The following NEK5 variants were observed in gnomAD, a reference collection of about 807,000 sequenced individuals.
NEK5 encodes NIMA related kinase 5, also known as serine/threonine-protein kinase Nek5.
A neutral mutation model predicts 109.2 loss-of-function variants in NEK5; 88 were observed. That is an observed-to-expected ratio of 0.81 (90% CI 0.68 to 0.96). The LOEUF (loss-of-function observed/expected upper bound fraction) is 0.96, where lower values mean the gene tolerates loss of function less well. Ranked by LOEUF, NEK5 falls within the 40% of genes least tolerant of loss-of-function variation. The pLI is 0.00. For synonymous variants in NEK5, 283 were observed against 299.9 expected, an observed-to-expected ratio of 0.94 and a Z score of 0.58; for missense variants, 834 against 920.7, an observed-to-expected ratio of 0.91 and a Z score of 1.22.
intron 3 of NEK5, 139 bp downstream of exon 3, chr13:52,127,227 C>T: frequency 1.7e-6 from 1 of 589,662 alleles, no homozygotes; most frequent in Non-Finnish European, 3.0e-6. Context: ...GGACAATGGA[C>T]TTAGGAGGTT....
In NEK5 at chr13:52,036,863, C is replaced by T; in HGVS notation, c.*85G>A. On this transcript the variant is annotated 3_prime_UTR_variant, in exon 24 of 24. Transcript: ENST00000684899. ...CCTTGAGATTACTAGAAAACCCTTACAGTAAATGAGCATTTATGACTTGTA... is the reference window on the plus strand; with the variant it reads ...CCTTGAGATTACTAGAAAACCCTTATAGTAAATGAGCATTTATGACTTGTA... 5.0e-6 allele frequency: 3 copies of T among 601,634 alleles called. No individual in the cohort carries two copies. The highest frequency in any genetic ancestry group is 6.3e-6 in the Non-Finnish European group (3 of 479,472). 37.3% of individuals were successfully genotyped at this position (601,634 alleles called of 1,614,324 possible). A position where few individuals can be genotyped will look rare whatever the true frequency, so the allele number is the denominator to read the frequency against.
rs1191497034 is a variant in NEK5, at chr13:52,093,248, A to C, written c.1027-13T>G. Reference sequence around the variant, plus strand: ...CTATCATTTTTATCTGAAGAAAACAAGAGGGGATGTTTTTAAAAACCATAA... The same window carrying C: ...CTATCATTTTTATCTGAAGAAAACACGAGGGGATGTTTTTAAAAACCATAA... On this transcript the variant is annotated splice_polypyrimidine_tract_variant and intron_variant, in intron 12 of 23. Transcript: ENST00000684899. The C allele has an allele frequency of 1.2e-6, 2 of 1,601,590 alleles. No individual in the cohort carries two copies. The highest frequency in any genetic ancestry group is 2.7e-5 in the African/African-American group (2 of 74,650).
chr13:52,098,837 C>T (rs1955472532), intron 12 of NEK5, among the ~76,000 whole-genome samples: 1 of 151,986 alleles, frequency 6.6e-6, no homozygotes. Flanking sequence ...AACAAAATAC[C>T]ATTATAATGC....
At chr13:52,074,194 A>G (rs781365087) in intron 19 of NEK5, among the ~76,000 whole-genome samples, 2 of 152,216 alleles carry the variant, frequency 1.3e-5, no homozygotes, top group Non-Finnish European at 2.9e-5. Flanking sequence ...AAGCAAAAAG[A>G]ACAACGCCAG....
chr13:52,108,361 G>A lies in NEK5; in HGVS notation c.511C>T (p.Leu171=). ...ARTCIGTPYY[L]SPEICQNKPY... is the part of the protein sequence containing the mutation. The stretch of plus-strand genomic sequence containing the variant: ...TTATTCTGACAGATCTCTGGGGACA[G>A]GTAGTAAGGTGTTCCAATACAAGTT... Residue 171 remains leucine, a synonymous_variant, in exon 8 of 24, where the codon CTG becomes TTG. Transcript: ENST00000684899. The A allele has an allele frequency of 3.1e-6, 5 of 1,611,362 alleles. No homozygotes were observed. Among genetic ancestry groups the A allele is most frequent in the Non-Finnish European group, 4.2e-6 (5 of 1,178,090 alleles).
intron 4 of NEK5, among the ~76,000 whole-genome samples, chr13:52,117,574 A>G (rs1955885044): frequency 6.6e-6 from 1 of 152,208 alleles, no homozygotes; most frequent in African/African-American, 2.4e-5. Context: ...TCAATCTCAC[A>G]TGGTATAAGG....
chr13:52,098,446 A>G (rs1209302718), intron 12 of NEK5, among the ~76,000 whole-genome samples: 1 of 152,166 alleles, frequency 6.6e-6, no homozygotes, highest in East Asian at 1.9e-4. Context: ...TTTAACCATG[A>G]GCCTTCTTTA....
At chr13:52,050,068 G>A (rs781325044) in intron 23 of NEK5, 36 bp downstream of exon 23, 1 of 780,078 alleles carries the variant, frequency 1.3e-6, no homozygotes, top group Non-Finnish European at 1.6e-6. Flanking sequence ...CTTTGTACCA[G>A]TGCTCGACTT....
At chr13:52,084,094 C>A (rs887075407) in intron 16 of NEK5, among the ~76,000 whole-genome samples, 2 of 152,214 alleles carry the variant, frequency 1.3e-5, no homozygotes, top group Non-Finnish European at 2.9e-5. Context: ...CATAAATACC[C>A]GCTACCTGCT....
chr13:52,099,375 A>C (rs2137985941), intron 12 of NEK5, among the ~76,000 whole-genome samples: 1 of 152,254 alleles, frequency 6.6e-6, no homozygotes, highest in African/African-American at 2.4e-5. Flanking sequence ...TACTAAAAGT[A>C]TAAAAATTAG....
At chr13:52,080,943 A>G (rs1954999753) in intron 17 of NEK5, among the ~76,000 whole-genome samples, 1 of 146,074 alleles carries the variant, frequency 6.8e-6, no homozygotes, top group African/African-American at 2.5e-5. Flanking sequence ...TATGTATTTT[A>G]CCACAGTGAA....
intron 21 of NEK5, among the ~76,000 whole-genome samples, chr13:52,062,764 G>A (rs923060469): frequency 2.2e-4 from 34 of 152,094 alleles, no homozygotes; most frequent in Non-Finnish European, 2.9e-5. Flanking sequence ...AGGTTCAAAT[G>A]TAAATGATGG....
At chr13:52,085,753 C>G (rs760921877) in intron 16 of NEK5, among the ~76,000 whole-genome samples, 1 of 152,202 alleles carries the variant, frequency 6.6e-6, no homozygotes, top group Non-Finnish European at 1.5e-5. Context: ...CTCTAGAGAC[C>G]TTCTTGGGAG....
chr13:52,086,155 CATG>C, intron 16 of NEK5, 119 bp downstream of exon 16: 1 of 725,006 alleles, frequency 1.4e-6, no homozygotes, highest in Non-Finnish European at 2.4e-6. Context: ...AAGAAGTCTA[CATG>C]ATTATCTCTA....
intron 12 of NEK5, among the ~76,000 whole-genome samples, chr13:52,095,414 A>G (rs1234452165): frequency 1.3e-5 from 2 of 152,246 alleles, no homozygotes; most frequent in African/African-American, 2.4e-5. Flanking sequence ...AGTAATAGGA[A>G]TATCAGAGGT....
At chr13:52,126,807 G>C (rs1594012563) in intron 3 of NEK5, among the ~76,000 whole-genome samples, 2 of 150,860 alleles carry the variant, frequency 1.3e-5, no homozygotes, top group Admixed American at 1.3e-4. Context: ...AAACAAAAAA[G>C]AAACCAGGAA....
Position 52,110,510 on chromosome 13 carries a change from C to G in NEK5, c.380G>C (p.Arg127Thr). Residue 127 changes from arginine (R) to threonine (T), a missense_variant, in exon 6 of 24, where the codon AGG becomes ACG. Arg to Thr is a moderately conservative substitution (Grantham distance 71). Coordinates refer to ENST00000684899, the MANE Select transcript of NEK5 (RefSeq NM_001365552.1). ...KHIHDRKILH[R>T]DIKAQNIFLS... is the part of the protein sequence containing the mutation. ...AGCTGTTACCTGAGCTTTTATGTCCCTGTGTAATATCTTCCTGTCATGAAT... is the reference window on the plus strand; with the variant it reads ...AGCTGTTACCTGAGCTTTTATGTCCGTGTGTAATATCTTCCTGTCATGAAT... 6.2e-7 allele frequency: 1 copy of G among 1,612,162 alleles called. No homozygotes were observed. The highest frequency in any genetic ancestry group is 8.5e-7 in the Non-Finnish European group (1 of 1,178,422).
intron 20 of NEK5, among the ~76,000 whole-genome samples, chr13:52,070,055 G>A (rs901266383): frequency 1.3e-5 from 2 of 152,220 alleles, no homozygotes; most frequent in African/African-American, 4.8e-5. Context: ...TCAATAAGAT[G>A]CCTGCTGAAT....
At chr13:52,052,305 C>T (rs1954512666) in intron 22 of NEK5, among the ~76,000 whole-genome samples, 2 of 152,170 alleles carry the variant, frequency 1.3e-5, no homozygotes, top group African/African-American at 4.8e-5. Flanking sequence ...TAAATTGAGA[C>T]CTATCTCAGA....
Sources: allele counts gnomAD v4.1 joint callset (sites outside exome capture counted in the v4.1 genomes callset), GRCh38; gene constraint gnomAD v4.1.1; transcripts MANE v1.5; gene names NCBI Gene and HGNC (gene_info 2026-07-23, HGNC 2026-07-21).